SYN2: variants seen among roughly 807,000 people sequenced by gnomAD.
The protein encoded by SYN2 is synapsin II.
A neutral mutation model predicts 50.9 loss-of-function variants in SYN2; 19 were observed. The observed-to-expected ratio is 0.37, with a 90% CI of 0.26 to 0.55. The LOEUF (loss-of-function observed/expected upper bound fraction) is 0.55, where lower values mean the gene tolerates loss of function less well. SYN2 is among the 20% of genes least tolerant of loss of function. The pLI, the probability that SYN2 is intolerant of heterozygous loss-of-function variation, is 0.81. For synonymous variants in SYN2, 255 were observed against 224.9 expected (o/e 1.13, Z -1.20); for missense variants, 587 against 576.4 (o/e 1.02, Z -0.19).
intron 1 of SYN2, among the ~76,000 whole-genome samples, chr3:12,023,153 T>C (rs893760957): frequency 6.6e-6 from 1 of 152,130 alleles, no homozygotes; most frequent in Non-Finnish European, 1.5e-5. Flanking sequence ...ATTGTGCCAC[T>C]TAAAGTGGGT....
At chr3:12,005,025 C>T (rs1693765467) in intron 1 of SYN2, 97 bp downstream of exon 1, 2 of 392,994 alleles carry the variant, frequency 5.1e-6, no homozygotes, top group East Asian at 7.6e-5. Flanking sequence ...ACGTTTCAGA[C>T]CAATAAAAAG....
chr3:12,043,353 C>CT (rs1465920184), intron 1 of SYN2, among the ~76,000 whole-genome samples: 1 of 152,016 alleles, frequency 6.6e-6, no homozygotes, highest in African/African-American at 2.4e-5. Context: ...CCTAATTTCA[C>CT]TTTTTTAAAG....
At chr3:12,142,214 G>A (rs1345003401) in intron 3 of SYN2, among the ~76,000 whole-genome samples, 1 of 152,216 alleles carries the variant, frequency 6.6e-6, no homozygotes, top group Non-Finnish European at 1.5e-5. Context: ...ACAACCTGAA[G>A]CTTCACAGAC....
intron 1 of SYN2, among the ~76,000 whole-genome samples, chr3:12,100,982 A>G (rs938794300): frequency 1.3e-5 from 2 of 152,152 alleles, no homozygotes; most frequent in Non-Finnish European, 2.9e-5. Flanking sequence ...GACAATAACA[A>G]GTGTTGGTGA....
chr3:12,074,585 G>A (rs1160397176), intron 1 of SYN2, among the ~76,000 whole-genome samples: 4 of 152,162 alleles, frequency 2.6e-5, no homozygotes, highest in African/African-American at 9.7e-5. Flanking sequence ...TTCTGATTAT[G>A]TGTTATTATT....
intron 10 of SYN2, among the ~76,000 whole-genome samples, chr3:12,180,094 A>C (rs1698189002): frequency 6.6e-6 from 1 of 152,104 alleles, no homozygotes; most frequent in Non-Finnish European, 1.5e-5. Context: ...GACTATAAGC[A>C]CATGCCACCA....
Position 12,169,747 on chromosome 3 carries a change from C to T in SYN2, c.1159-10C>T. 6.2e-7 allele frequency: 1 copy of T among 1,613,682 alleles called. No individual in the cohort carries two copies. Among genetic ancestry groups the T allele is most frequent in the Non-Finnish European group, 8.5e-7 (1 of 1,179,740 alleles). On this transcript the variant is annotated splice_polypyrimidine_tract_variant and intron_variant, in intron 9 of 12. Coordinates refer to ENST00000621198, the MANE Select transcript of SYN2 (RefSeq NM_133625.6). ...ACCCCTTTCCTCACCTGGGACACATCTCCCACCAGGTCATGGACTGTAGCA... is the reference window on the plus strand; with the variant it reads ...ACCCCTTTCCTCACCTGGGACACATTTCCCACCAGGTCATGGACTGTAGCA...
chr3:12,005,110 C>T (rs1396943298), intron 1 of SYN2, among the ~76,000 whole-genome samples, 182 bp downstream of exon 1: 3 of 152,118 alleles, frequency 2.0e-5, no homozygotes, highest in Non-Finnish European at 2.9e-5. Context: ...GGAGGGCATC[C>T]ATCAGCCCGG....
chr3:12,098,856 C>CATATATAT (rs35420190), intron 1 of SYN2, among the ~76,000 whole-genome samples: 2,413 of 133,540 alleles, frequency 0.018, 73 homozygotes, highest in African/African-American at 0.047. Flanking sequence ...AAAGCAAAAG[C>CATATATAT]ATATATATAT....
intron 11 of SYN2, chr3:12,185,477 A>C (rs2124838094): frequency 2.0e-6 from 2 of 985,878 alleles, no homozygotes; most frequent in Admixed American, 1.2e-4. Flanking sequence ...GCAAGCAGAT[A>C]GCATAACCTG....
intron 11 of SYN2, chr3:12,184,626 G>A (rs1698301502): frequency 2.0e-6 from 2 of 985,924 alleles, no homozygotes; most frequent in Non-Finnish European, 1.2e-6. Context: ...TCTTTCCTGG[G>A]AGGAACTGTC....
intron 1 of SYN2, among the ~76,000 whole-genome samples, chr3:12,014,552 C>T (rs960146255): frequency 6.6e-6 from 1 of 152,154 alleles, no homozygotes; most frequent in Non-Finnish European, 1.5e-5. Flanking sequence ...CAGCTCTGAG[C>T]AGAGCAAAGG....
intron 1 of SYN2, among the ~76,000 whole-genome samples, chr3:12,081,441 T>C (rs925630743): frequency 2.0e-5 from 3 of 152,226 alleles, no homozygotes; most frequent in African/African-American, 7.2e-5. Flanking sequence ...GATTGCTCAT[T>C]TTAGATATTT....
chr3:12,150,621 G>T (rs1269683019), intron 4 of SYN2, among the ~76,000 whole-genome samples: 1 of 152,224 alleles, frequency 6.6e-6, no homozygotes, highest in East Asian at 1.9e-4. Context: ...AAAGGGTCCA[G>T]TAAGTTCAGT....
chr3:12,165,071 C>G (rs928610685), intron 7 of SYN2, among the ~76,000 whole-genome samples: 1 of 151,128 alleles, frequency 6.6e-6, no homozygotes, highest in African/African-American at 2.4e-5. Flanking sequence ...ACTGCAACCT[C>G]CGCCTCCCTG....
intron 1 of SYN2, among the ~76,000 whole-genome samples, chr3:12,074,364 G>C (rs1695425714): frequency 6.6e-6 from 1 of 152,152 alleles, no homozygotes; most frequent in African/African-American, 2.4e-5. Context: ...GCTCACTACT[G>C]TGTTTTTACT....
At chr3:12,184,964 GAGA>G in intron 11 of SYN2, 1 of 985,714 alleles carries the variant, frequency 1.0e-6, no homozygotes, top group South Asian at 4.7e-5. Context: ...TCCCAGATCT[GAGA>G]AGGAACTAGT....
chr3:12,039,117 G>T (rs1694559390), intron 1 of SYN2, among the ~76,000 whole-genome samples: 1 of 152,104 alleles, frequency 6.6e-6, no homozygotes, highest in African/African-American at 2.4e-5. Flanking sequence ...TCATGAAAGG[G>T]TGTTGGATTT....
intron 1 of SYN2, among the ~76,000 whole-genome samples, chr3:12,131,596 T>C (rs934028275): frequency 3.9e-5 from 6 of 152,128 alleles, no homozygotes. Flanking sequence ...TCCACTATAA[T>C]TACAGACAAA....
Sources: gnomAD v4.1 joint callset for allele counts (sites outside exome capture counted in the v4.1 genomes callset) on GRCh38, gnomAD v4.1.1 for gene constraint, MANE v1.5 for transcripts, NCBI Gene and HGNC (gene_info 2026-07-23, HGNC 2026-07-21) for gene names.